Variants in SLC16A6 observed in about 807,000 individuals in gnomAD.
SLC16A6 encodes solute carrier family 16 member 6.
Under a neutral mutation model 33.8 loss-of-function variants are expected in SLC16A6, and 15 were observed. The ratio of observed to expected loss-of-function variants is 0.44; its 90% CI spans 0.30 to 0.68. The LOEUF (loss-of-function observed/expected upper bound fraction) is 0.68. SLC16A6 is among the 30% of genes least tolerant of loss of function. SLC16A6 has a pLI of 0.10. For missense variants in SLC16A6, 451 were observed against 661.5 expected, an observed-to-expected ratio of 0.68 and a Z score of 3.49; for synonymous variants, 219 against 248.4, an observed-to-expected ratio of 0.88 and a Z score of 1.11.
chr17:68,282,895 C>G (rs1555753292), intron 1 of SLC16A6: 1 of 148,260 alleles, frequency 6.7e-6, no homozygotes, highest in African/African-American at 2.5e-5. Context: ...TTGCAGTGAG[C>G]TGAGATTGTG....
Position 68,273,962 on chromosome 17 carries a change from A to G in SLC16A6, c.341T>C (p.Val114Ala), listed in dbSNP as rs868975333. ...GMVAASFSQEVSHMYVAIGII... is the reference protein window; with the variant it reads ...GMVAASFSQEASHMYVAIGII... Reference sequence around the variant, plus strand: ...GCCGATGGCGACGTACATATGAGAAACCTCTTGTGAGAAGGAGGCGGCCAC... The same window carrying G: ...GCCGATGGCGACGTACATATGAGAAGCCTCTTGTGAGAAGGAGGCGGCCAC... Residue 114 changes from valine (V) to alanine (A), a missense_variant, in exon 3 of 6, where the codon GTT becomes GCT. Physicochemically the swap from Val to Ala is moderately conservative, Grantham distance 64. Transcript: ENST00000580666. 6.2e-7 allele frequency: 1 copy of G among 1,613,922 alleles called. No homozygotes were observed. The highest frequency in any genetic ancestry group is 8.5e-7 in the Non-Finnish European group (1 of 1,179,922).
intron 1 of SLC16A6, among the ~76,000 whole-genome samples, chr17:68,286,587 C>A (rs782412184): frequency 5.9e-5 from 9 of 152,166 alleles, no homozygotes; most frequent in Non-Finnish European, 7.3e-5. Context: ...TCACTGCAAC[C>A]TTAGCCTCCC....
chr17:68,270,541 G>A (rs1224572272), intron 5 of SLC16A6, among the ~76,000 whole-genome samples: 6 of 146,756 alleles, frequency 4.1e-5, no homozygotes, highest in Non-Finnish European at 7.5e-5. Context: ...GTGATAGAGC[G>A]AGACTCCATC....
At chr17:68,278,482 C>T in intron 1 of SLC16A6, 155 bp from the exon 2 acceptor site, 1 of 599,728 alleles carries the variant, frequency 1.7e-6, no homozygotes, top group Non-Finnish European at 2.9e-6. Flanking sequence ...TGGAGTCTTG[C>T]TCTGTCATCC....
chr17:68,285,943 TAG>T (rs1274109873), intron 1 of SLC16A6, among the ~76,000 whole-genome samples: 1 of 152,132 alleles, frequency 6.6e-6, no homozygotes. Flanking sequence ...GTATTTTTAG[TAG>T]AGACAGGGTT....
intron 1 of SLC16A6, among the ~76,000 whole-genome samples, chr17:68,288,262 A>T (rs2075889969): frequency 6.6e-6 from 1 of 152,032 alleles, no homozygotes; most frequent in Non-Finnish European, 1.5e-5. Context: ...AGCCTCCCAA[A>T]GTGCTGGGAT....
intron 2 of SLC16A6, among the ~76,000 whole-genome samples, chr17:68,275,970 G>A (rs868945915): frequency 3.4e-5 from 5 of 148,842 alleles, no homozygotes; most frequent in Admixed American, 1.3e-4. Flanking sequence ...GCAACAAAGC[G>A]AGACTCCGTC....
chr17:68,279,979 C>T (rs111589243), intron 1 of SLC16A6, among the ~76,000 whole-genome samples: 6 of 152,000 alleles, frequency 3.9e-5, no homozygotes, highest in African/African-American at 1.4e-4. Flanking sequence ...GTCAGGAGTT[C>T]GAGACCAGCC....
chr17:68,285,351 G>A (rs1269285636), intron 1 of SLC16A6, among the ~76,000 whole-genome samples: 2 of 152,204 alleles, frequency 1.3e-5, no homozygotes, highest in African/African-American at 4.8e-5. Flanking sequence ...GCAGTGGCAC[G>A]ATCATAGCTC....
chr17:68,272,968 G>A (rs782191771), intron 3 of SLC16A6, among the ~76,000 whole-genome samples: 14 of 151,780 alleles, frequency 9.2e-5, no homozygotes, highest in Non-Finnish European at 2.1e-4. Context: ...TGGTTGTTTG[G>A]GATACTAAAA....
rs1205603819 is a variant in SLC16A6, at chr17:68,267,091, G to C, written c.*2005C>G. 1.3e-5 allele frequency: 2 copies of C among 152,102 alleles called. No homozygotes were observed. Among genetic ancestry groups the C allele is most frequent in the Non-Finnish European group, 2.9e-5 (2 of 68,002 alleles). The allele number at this position is 152,102 out of a possible 1,614,324, so 9.4% of individuals were successfully genotyped here. On this transcript the variant is annotated 3_prime_UTR_variant, in exon 6 of 6. Transcript: ENST00000580666. The stretch of plus-strand genomic sequence containing the variant: ...GAAGTACCAGAATGTCACTAATACA[G>C]AACAGATCAGCAATCTTGTTTGTAT...
rs782085718 is a variant in SLC16A6, at chr17:68,270,804, T to A, written c.1321+35A>T. ...AGCTAGCACAATTCACAAGGGAAAGTAGACAAGTGTTTGTATTTTGTGTAT... is the reference window on the plus strand; with the variant it reads ...AGCTAGCACAATTCACAAGGGAAAGAAGACAAGTGTTTGTATTTTGTGTAT... On this transcript the variant is annotated intron_variant, in intron 5 of 5. Coordinates refer to ENST00000580666, the MANE Select transcript of SLC16A6 (RefSeq NM_004694.5). 10 of 1,521,668 alleles carry A rather than the reference T, an allele frequency of 6.6e-6. No individual in the cohort carries two copies. In the South Asian group the frequency reaches 1.1e-4, roughly 17 times the overall value. 94.3% of individuals were successfully genotyped at this position (1,521,668 alleles called of 1,614,324 possible). A position where few individuals can be genotyped will look rare whatever the true frequency, so the allele number is the denominator to read the frequency against.
intron 1 of SLC16A6, 61 bp downstream of exon 1, chr17:68,291,025 A>T (rs149219175): frequency 1.3e-5 from 2 of 152,242 alleles, no homozygotes; most frequent in African/African-American, 4.8e-5. Flanking sequence ...CATATTTTTT[A>T]AAAAACAACC....
rs893938179 is a variant in SLC16A6, at chr17:68,274,059, T to C, written c.244A>G (p.Thr82Ala). 2.5e-6 allele frequency: 4 copies of C among 1,612,632 alleles called. No homozygotes were observed. The highest frequency in any genetic ancestry group is 1.7e-5 in the Admixed American group (1 of 59,842). The stretch of plus-strand genomic sequence containing the variant: ...TGTCCGAAACGATTGCTCAGGACTG[T>C]GGCGAGGGGAGCTGCCGGGAAAGAA... ...FVLTFSAPLA[T>A]VLSNRFGHRL... Residue 82 changes from threonine (T) to alanine (A), a missense_variant, in exon 3 of 6, where the codon ACA becomes GCA. By Grantham distance (58) the Thr-to-Ala change is moderately conservative. Transcript: ENST00000580666.
rs1555748597 is a variant in SLC16A6 at position 68,271,327 on chromosome 17, T to C, written c.833A>G (p.Glu278Gly). The C allele has an allele frequency of 6.2e-7, 1 of 1,614,238 alleles. No homozygotes were observed. Among genetic ancestry groups the C allele is most frequent in the Non-Finnish European group, 8.5e-7 (1 of 1,180,036 alleles). The change falls in exon 5 of 6, where the codon GAA becomes GGA. Residue 278 changes from glutamate to glycine, a missense_variant. By Grantham distance (98) the Glu-to-Gly change is moderately conservative (BLOSUM62 -2). Coordinates refer to ENST00000580666, the MANE Select transcript of SLC16A6 (RefSeq NM_004694.5). The surrounding 1 kb of genome is among the most constrained non-coding windows in gnomAD (Gnocchi z 5.3). The part of the protein sequence containing the change: ...VLVKTSPRPS[E>G]KKAPLLDFSI... Reference sequence around the variant, plus strand: ...GAAGTCTAATAGCGGGGCTTTCTTTTCGCTTGGCCTGGGGCTGGTCTTCAC... The same window carrying C: ...GAAGTCTAATAGCGGGGCTTTCTTTCCGCTTGGCCTGGGGCTGGTCTTCAC...
intron 2 of SLC16A6, among the ~76,000 whole-genome samples, chr17:68,276,926 A>G (rs1469624826): frequency 1.3e-5 from 2 of 152,178 alleles, no homozygotes; most frequent in African/African-American, 4.8e-5. Context: ...ATTTTATTTT[A>G]TGCGATTGGG....
intron 1 of SLC16A6, among the ~76,000 whole-genome samples, chr17:68,278,867 G>T (rs1460544347): frequency 6.6e-6 from 1 of 151,778 alleles, no homozygotes; most frequent in East Asian, 1.9e-4. Flanking sequence ...GGATCCACCC[G>T]CCTTGACCTC....
At chr17:68,281,890 T>C (rs1305993754) in intron 1 of SLC16A6, among the ~76,000 whole-genome samples, 2 of 152,230 alleles carry the variant, frequency 1.3e-5, no homozygotes, top group African/African-American at 4.8e-5. Flanking sequence ...GGAACACTTT[T>C]ACACTGCTGG....
chr17:68,287,307 A>T (rs116201955), intron 1 of SLC16A6, among the ~76,000 whole-genome samples: 2,530 of 151,152 alleles, frequency 0.017, 73 homozygotes, highest in African/African-American at 0.058. Context: ...GTGAGCCAGC[A>T]TGCCCAGCCT....
Sources: gnomAD v4.1 joint callset for allele counts (sites outside exome capture counted in the v4.1 genomes callset) on GRCh38, gnomAD v4.1.1 for gene constraint, Gnocchi (gnomAD v3.1) non-coding constraint, MANE v1.5 for transcripts, NCBI Gene and HGNC (gene_info 2026-07-23, HGNC 2026-07-21) for gene names.